Variants in CSMD3 observed in about 807,000 individuals in gnomAD.
CSMD3 encodes the protein CUB and Sushi multiple domains 3.
CSMD3 carries 177 observed loss-of-function variants against 435.2 expected under a neutral mutation model. The observed-to-expected ratio is 0.41, with a 90% CI of 0.36 to 0.46. The LOEUF is 0.46. Among genes scored for constraint, CSMD3 ranks in the 20% least tolerant of loss-of-function variants. The probability of loss-of-function intolerance (pLI) is 0.34; values close to 1 mark genes in which losing one functional copy is unlikely to be tolerated. For missense variants in CSMD3, 4,265 were observed against 4,504.6 expected (o/e 0.95, Z 1.52); for synonymous variants, 1,656 against 1,520.5 (o/e 1.09, Z -2.07).
intron 4 of CSMD3, among the ~76,000 whole-genome samples, chr8:113,151,795 T>C (rs2091812849): frequency 6.6e-6 from 1 of 152,064 alleles, no homozygotes; most frequent in Non-Finnish European, 1.5e-5. Flanking sequence ...TCTTATGATA[T>C]GATTTTGAGA....
chr8:112,357,702 G>A (rs993803602), intron 38 of CSMD3, among the ~76,000 whole-genome samples: 4 of 152,140 alleles, frequency 2.6e-5, no homozygotes, highest in Non-Finnish European at 5.9e-5. Flanking sequence ...CTTCCACGTG[G>A]TGTTGAGCCT....
At chr8:112,586,326 A>T (rs1392264256) in intron 23 of CSMD3, among the ~76,000 whole-genome samples, 1 of 151,518 alleles carries the variant, frequency 6.6e-6, no homozygotes. Flanking sequence ...ACTATTTTAA[A>T]AACATTTAAA....
At chr8:112,297,427 A>G (rs1441265103) in intron 53 of CSMD3, among the ~76,000 whole-genome samples, 2 of 152,126 alleles carry the variant, frequency 1.3e-5, no homozygotes, top group East Asian at 3.8e-4. Flanking sequence ...AAGTTTGGCT[A>G]AATATGAAAA....
chr8:112,726,258 C>G (rs1471074372), intron 13 of CSMD3, among the ~76,000 whole-genome samples: 1 of 151,902 alleles, frequency 6.6e-6, no homozygotes, highest in South Asian at 2.1e-4. Context: ...GGTGGAAAAA[C>G]AAAGCATAAC....
chr8:112,597,246 C>A lies in CSMD3; in HGVS notation c.3716-10011G>T, dbSNP rs1452776717. Among the ~76,000 whole-genome samples, 4 of 152,036 alleles carry A rather than the reference C, an allele frequency of 2.6e-5. No individual in the cohort carries two copies. The East Asian group carries it at 5.8e-4, about 22-fold the overall frequency. On this transcript the variant is annotated intron_variant, in intron 22 of 70. Transcript: ENST00000297405. ...AGAGAATACTACAAACACCTCTATG[C>A]AAATAAACTAGAAAATCTAGAAGAA... is the stretch of plus-strand genomic sequence containing the variant.
intron 27 of CSMD3, among the ~76,000 whole-genome samples, chr8:112,523,729 G>A (rs956816986): frequency 2.6e-5 from 4 of 151,990 alleles, no homozygotes; most frequent in African/African-American, 9.7e-5. Context: ...CCTTGATTGA[G>A]CCCTTGCTTT....
chr8:113,081,915 G>T (rs1165147112), intron 5 of CSMD3, among the ~76,000 whole-genome samples: 6 of 152,062 alleles, frequency 3.9e-5, no homozygotes, highest in Non-Finnish European at 8.8e-5. Flanking sequence ...TGAGAGCCAC[G>T]TACCCGGACC....
intron 2 of CSMD3, among the ~76,000 whole-genome samples, chr8:113,289,554 C>G (rs200032136): frequency 4.9e-5 from 7 of 143,304 alleles, no homozygotes; most frequent in East Asian, 2.1e-4. Flanking sequence ...CAGAGAGAGA[C>G]AGAGAGAGAG....
chr8:113,202,745 T>C lies in CSMD3; in HGVS notation c.515-28829A>G, dbSNP rs373437875. ...TTTGGTTCAAACTGCCAAATCTAGCTGTATTCAATTTGGACGCAATGTAAA... is the reference window on the plus strand; with the variant it reads ...TTTGGTTCAAACTGCCAAATCTAGCCGTATTCAATTTGGACGCAATGTAAA... On this transcript the variant is annotated intron_variant, in intron 3 of 70. Coordinates refer to ENST00000297405, the MANE Select transcript of CSMD3 (RefSeq NM_198123.2). Among the ~76,000 whole-genome samples the C allele has an allele frequency of 6.6e-5, 10 of 152,156 alleles. No homozygotes were observed. In the East Asian group the frequency reaches 1.5e-3, roughly 23 times the overall value.
At chr8:112,741,858 G>A (rs1424735006) in intron 13 of CSMD3, among the ~76,000 whole-genome samples, 1 of 150,522 alleles carries the variant, frequency 6.6e-6, no homozygotes, top group Admixed American at 6.7e-5. Context: ...ATTGTAGTGG[G>A]TTAAGGATTG....
At chr8:112,563,405 C>T (rs1828807162) in intron 24 of CSMD3, among the ~76,000 whole-genome samples, 1 of 142,068 alleles carries the variant, frequency 7.0e-6, no homozygotes, top group South Asian at 2.2e-4. Context: ...ATAAAAGGAT[C>T]TTTTTTTTTT....
intron 4 of CSMD3, among the ~76,000 whole-genome samples, chr8:113,120,867 T>A (rs2090966122): frequency 6.6e-6 from 1 of 152,168 alleles, no homozygotes; most frequent in Non-Finnish European, 1.5e-5. Context: ...TCTTAAATGA[T>A]AAATAAAATT....
At chr8:112,534,145 C>T (rs1461719211) in intron 27 of CSMD3, among the ~76,000 whole-genome samples, 2 of 152,032 alleles carry the variant, frequency 1.3e-5, no homozygotes, top group African/African-American at 4.8e-5. Flanking sequence ...CATTCAAAAG[C>T]TAGCAGAAGG....
intron 27 of CSMD3, among the ~76,000 whole-genome samples, chr8:112,535,563 G>A (rs1386596613): frequency 6.6e-6 from 1 of 151,998 alleles, no homozygotes; most frequent in African/African-American, 2.4e-5. Flanking sequence ...TCATGGGTAG[G>A]AAGAATAAAT....
intron 3 of CSMD3, among the ~76,000 whole-genome samples, chr8:113,189,058 AC>A (rs1366106376): frequency 6.6e-6 from 1 of 151,844 alleles, no homozygotes; most frequent in Non-Finnish European, 1.5e-5. Flanking sequence ...TTCCATTCAA[AC>A]CACATTACAT....
At chr8:112,566,833 G>A (rs987104624) in intron 24 of CSMD3, among the ~76,000 whole-genome samples, 1 of 152,032 alleles carries the variant, frequency 6.6e-6, no homozygotes, top group East Asian at 1.9e-4. Flanking sequence ...GCCAGCTTCT[G>A]GTGTGTTATG....
chr8:112,741,782 AT>A (rs201271156), intron 13 of CSMD3, among the ~76,000 whole-genome samples: 4 of 138,108 alleles, frequency 2.9e-5, no homozygotes, highest in South Asian at 2.4e-4. Context: ...TGATAGATAG[AT>A]AGATAGAGAG....
chr8:113,303,152 C>A (rs2093787622), intron 2 of CSMD3, among the ~76,000 whole-genome samples: 1 of 147,260 alleles, frequency 6.8e-6, no homozygotes, highest in Non-Finnish European at 1.5e-5. Context: ...GAGTGAACTC[C>A]CATCCACAAT....
intron 5 of CSMD3, among the ~76,000 whole-genome samples, chr8:113,067,274 T>C (rs1408400500): frequency 6.6e-6 from 1 of 152,154 alleles, no homozygotes; most frequent in Non-Finnish European, 1.5e-5. Context: ...CAGTACATAC[T>C]ACAGTGCAAG....
Sources: allele counts gnomAD v4.1 joint callset (sites outside exome capture counted in the v4.1 genomes callset), GRCh38; gene constraint gnomAD v4.1.1; transcripts MANE v1.5; gene names NCBI Gene and HGNC (gene_info 2026-07-23, HGNC 2026-07-21).